Variants in HMOX1 observed in about 807,000 individuals in gnomAD.
HMOX1 encodes heme oxygenase 1, also known as heat shock protein, 32-kD.
HMOX1 carries 22 observed loss-of-function variants against 27.8 expected under a neutral mutation model. The ratio of observed to expected loss-of-function variants is 0.79; its 90% CI spans 0.57 to 1.13. The LOEUF is 1.13. HMOX1 is among the 50% of genes most tolerant of loss of function. The probability of loss-of-function intolerance (pLI) is 0.00; values close to 1 mark genes in which losing one functional copy is unlikely to be tolerated. For synonymous variants in HMOX1, 153 were observed against 151.6 expected (o/e 1.01, Z -0.07); for missense variants, 379 against 377.7 (o/e 1.00, Z -0.03).
In HMOX1 at chr22:35,391,908, T is replaced by C. The variant is rs528011743; in HGVS notation, c.737-1560T>C. ...TTTGATGGCTCATGGAATGTGTGCC[T>C]GTATGTTCTTGTATGTTAAGAATTT... On this transcript the variant is annotated intron_variant, in intron 4 of 4. Transcript: ENST00000216117. 2.0e-5 allele frequency among the ~76,000 whole-genome samples: 3 copies of C among 152,054 alleles called. No homozygotes were observed. In the South Asian group the frequency reaches 6.2e-4, roughly 32 times the overall value.
At chr22:35,385,433 ATTTTT>A (rs199925853) in intron 2 of HMOX1, among the ~76,000 whole-genome samples, 1 of 124,714 alleles carries the variant, frequency 8.0e-6, no homozygotes. Context: ...CCTTTGTTGG[ATTTTT>A]TTTTTTTTTT....
intron 4 of HMOX1, among the ~76,000 whole-genome samples, chr22:35,391,106 C>T (rs192120344): frequency 9.7e-4 from 147 of 152,194 alleles, no homozygotes; most frequent in Non-Finnish European, 1.8e-3. Flanking sequence ...CCAGACCACA[C>T]GGACCCCTCT....
At chr22:35,385,433 A>ATTTT (rs199925853) in intron 2 of HMOX1, among the ~76,000 whole-genome samples, 2 of 124,714 alleles carry the variant, frequency 1.6e-5, no homozygotes, top group African/African-American at 3.0e-5. Context: ...CCTTTGTTGG[A>ATTTT]TTTTTTTTTT....
At position 35,386,717 on chromosome 22, in the gene HMOX1, G is replaced by T; in HGVS notation, c.177G>T (p.Val59=). The T allele has an allele frequency of 1.2e-6, 2 of 1,614,144 alleles. No homozygotes were observed. Among genetic ancestry groups the T allele is most frequent in the Non-Finnish European group, 1.7e-6 (2 of 1,180,022 alleles). Residue 59 remains valine, a synonymous_variant, in exon 3 of 5, where the codon GTG becomes GTT. Coordinates refer to ENST00000216117, the MANE Select transcript of HMOX1 (RefSeq NM_002133.3). ...LVMASLYHIY[V]ALEEEIERNK... ...TGGCCTCCCTGTACCACATCTATGT[G>T]GCCCTGGAGGAGGAGATTGAGCGCA...
At chr22:35,389,395 C>CTTTCCTTTCTTTCTTTCTTT (rs1555901605) in intron 3 of HMOX1, among the ~76,000 whole-genome samples, 1 of 51,786 alleles carries the variant, frequency 1.9e-5, no homozygotes, top group Non-Finnish European at 3.4e-5. Flanking sequence ...TTCCTTCCTT[C>CTTTCCTTTCTTTCTTTCTTT]CTTTCTTTCT....
chr22:35,384,384 G>C (rs529851510), intron 2 of HMOX1, among the ~76,000 whole-genome samples: 1 of 152,190 alleles, frequency 6.6e-6, no homozygotes, highest in African/African-American at 2.4e-5. Context: ...ACCCGGCCGA[G>C]ACATGCTTTA....
In HMOX1 at chr22:35,383,262, T is replaced by C. The variant is rs536116972; in HGVS notation, c.144+36T>C. On this transcript the variant is annotated intron_variant, in intron 2 of 4. Transcript: ENST00000216117. ...TGGTGGGACTAGCCCTGGTGGAGGGTGTGGCAGGTGTGGGTGGACCCAAGG... is the reference window on the plus strand; with the variant it reads ...TGGTGGGACTAGCCCTGGTGGAGGGCGTGGCAGGTGTGGGTGGACCCAAGG... 6 of 1,607,844 alleles carry C rather than the reference T, an allele frequency of 3.7e-6. No individual in the cohort carries two copies. The African/African-American group carries it at 5.4e-5, about 14-fold the overall frequency.
chr22:35,382,517 ATTT>A (rs58712001), intron 1 of HMOX1, among the ~76,000 whole-genome samples: 2 of 119,468 alleles, frequency 1.7e-5, no homozygotes, highest in African/African-American at 5.9e-5. Context: ...ATGCCCGGCT[ATTT>A]TTTTTTTTTT....
rs1366352582 is a variant in HMOX1 at position 35,386,882 on chromosome 22, T to C, written c.342T>C (p.Tyr114=). ...VIPYTPAMQR[Y]VKRLHEVGRT... The stretch of plus-strand genomic sequence containing the variant: ...CCTACACACCAGCCATGCAGCGCTA[T>C]GTGAAGCGGCTCCACGAGGTGGGGC... Residue 114 remains tyrosine (Y), a synonymous_variant, in exon 3 of 5, where the codon TAT becomes TAC. Transcript: ENST00000216117. 2.5e-6 allele frequency: 4 copies of C among 1,614,018 alleles called. No individual in the cohort carries two copies. The highest frequency in any genetic ancestry group is 3.3e-5 in the Admixed American group (2 of 60,010).
At position 35,390,120 on chromosome 22, in the gene HMOX1, C is replaced by A. The variant is rs981790638; in HGVS notation, c.736+157C>A. ...CCCACTGCCCCTGTAAGGACAGGTT[C>A]TCGCTATATTGCCCAGGCCAGTCTT... On this transcript the variant is annotated intron_variant, in intron 4 of 4. Coordinates refer to ENST00000216117, the MANE Select transcript of HMOX1 (RefSeq NM_002133.3). 5 of 687,582 alleles carry A rather than the reference C, an allele frequency of 7.3e-6. No individual in the cohort carries two copies. The African/African-American group carries it at 8.8e-5, about 12-fold the overall frequency. 42.6% of individuals were successfully genotyped at this position (687,582 alleles called of 1,614,324 possible). A position where few individuals can be genotyped will look rare whatever the true frequency, so the allele number is the denominator to read the frequency against.
chr22:35,391,139 G>A (rs1931707453), intron 4 of HMOX1, among the ~76,000 whole-genome samples: 1 of 152,174 alleles, frequency 6.6e-6, no homozygotes, highest in Non-Finnish European at 1.5e-5. Flanking sequence ...TAACCCCGGA[G>A]GGCTTGGCTA....
At chr22:35,388,466 AAAAAACAAAAAC>A (rs147359911) in intron 3 of HMOX1, among the ~76,000 whole-genome samples, 1 of 151,672 alleles carries the variant, frequency 6.6e-6, no homozygotes, top group Non-Finnish European at 1.5e-5. Flanking sequence ...TCAAAAACCA[AAAAAACAAAAAC>A]AAAAACAAAA....
intron 4 of HMOX1, among the ~76,000 whole-genome samples, chr22:35,392,120 A>G (rs567728177): frequency 1.9e-4 from 28 of 150,468 alleles, no homozygotes; most frequent in Non-Finnish European, 2.8e-4. Flanking sequence ...GCTACTCGGG[A>G]GGCTGAGGCA....
At chr22:35,388,569 C>T (rs546186659) in intron 3 of HMOX1, among the ~76,000 whole-genome samples, 59 of 151,978 alleles carry the variant, frequency 3.9e-4, no homozygotes, top group African/African-American at 1.2e-3. Flanking sequence ...GGGTGGATCA[C>T]GAAGTCAGGA....
At chr22:35,382,669 T>A (rs1485716178) in intron 1 of HMOX1, among the ~76,000 whole-genome samples, 1 of 142,844 alleles carries the variant, frequency 7.0e-6, no homozygotes, top group African/African-American at 2.7e-5. Flanking sequence ...GGCCCTTTTT[T>A]TCTTTTTTTT....
chr22:35,388,802 C>CA (rs752948668), intron 3 of HMOX1, among the ~76,000 whole-genome samples: 4,531 of 138,648 alleles, frequency 0.033, 85 homozygotes, highest in Non-Finnish European at 0.044. Flanking sequence ...GTATTAAAAA[C>CA]AAAAAACAAA....
intron 3 of HMOX1, among the ~76,000 whole-genome samples, chr22:35,388,023 G>A (rs921859137): frequency 1.3e-5 from 2 of 152,218 alleles, no homozygotes; most frequent in African/African-American, 4.8e-5. Flanking sequence ...CAGCACTTTG[G>A]GAAGCCGAGG....
chr22:35,389,421 TTTC>T (rs1931647164), intron 3 of HMOX1, among the ~76,000 whole-genome samples: 2 of 93,588 alleles, frequency 2.1e-5, no homozygotes, highest in Admixed American at 9.3e-5. Flanking sequence ...TCTTTCTTTC[TTTC>T]TTTCTATCTT....
intron 3 of HMOX1, among the ~76,000 whole-genome samples, chr22:35,387,940 A>G (rs1931549046): frequency 6.6e-6 from 1 of 152,114 alleles, no homozygotes. Flanking sequence ...TCTTGGAGGA[A>G]GAAAATCTGT....
Sources: allele counts gnomAD v4.1 joint callset (sites outside exome capture counted in the v4.1 genomes callset), GRCh38; gene constraint gnomAD v4.1.1; transcripts MANE v1.5; gene names NCBI Gene and HGNC (gene_info 2026-07-23, HGNC 2026-07-21).